The following MACF1 variants were observed in gnomAD, a reference collection of about 807,000 sequenced individuals.
MACF1 encodes the protein microtubule-actin cross-linking factor 1.
In MACF1, 193 loss-of-function variants were observed where a neutral mutation model predicts 854.8. The observed-to-expected ratio is 0.23, with a 90% confidence interval of 0.20 to 0.25. The LOEUF is 0.25. Ranked by LOEUF, MACF1 falls within the 10% of genes least tolerant of loss-of-function variation. The pLI is 1.00. For missense variants in MACF1, 7,722 were observed against 8,929.1 expected, an observed-to-expected ratio of 0.86 and a Z score of 5.45; for synonymous variants, 3,185 against 3,226.7, an observed-to-expected ratio of 0.99 and a Z score of 0.44.
chr1:39,423,920 A>C (rs1190308489), intron 60 of MACF1, 108 bp from the exon 61 acceptor site: 3 of 938,292 alleles, frequency 3.2e-6, no homozygotes, highest in African/African-American at 3.4e-5. Context: ...TCTTTTACTC[A>C]ATGAAGCTTA....
intron 2 of MACF1, among the ~76,000 whole-genome samples, chr1:39,156,994 G>T (rs1437260660): frequency 1.3e-5 from 2 of 150,728 alleles, no homozygotes; most frequent in Non-Finnish European, 1.5e-5. Flanking sequence ...CTCTAAGTTG[G>T]GGTCTTGCTC....
intron 94 of MACF1, 132 bp from the exon 95 acceptor site, chr1:39,464,963 A>G (rs1644633804): frequency 2.4e-6 from 2 of 833,668 alleles, no homozygotes; most frequent in African/African-American, 1.7e-5. Context: ...CTTGGTAAGA[A>G]TATGTTCAGT....
chr1:39,340,397 C>T, intron 38 of MACF1, 105 bp from the exon 39 acceptor site: 1 of 760,164 alleles, frequency 1.3e-6, no homozygotes, highest in Middle Eastern at 3.4e-4. Context: ...TTTTCTAAGC[C>T]CTAAAGTGTG....
intron 2 of MACF1, among the ~76,000 whole-genome samples, chr1:39,148,466 A>G (rs1487969925): frequency 6.6e-6 from 1 of 152,158 alleles, no homozygotes; most frequent in Non-Finnish European, 1.5e-5. Flanking sequence ...GTGACCAAAA[A>G]TCCTACCATT....
intron 49 of MACF1, among the ~76,000 whole-genome samples, chr1:39,365,964 C>T (rs1020245759): frequency 6.6e-6 from 1 of 152,186 alleles, no homozygotes; most frequent in African/African-American, 2.4e-5. Context: ...GCATGAGCCA[C>T]CTCACCTGGC....
chr1:39,233,775 CTTTT>C (rs11286953), intron 2 of MACF1, among the ~76,000 whole-genome samples: 19 of 36,548 alleles, frequency 5.2e-4, no homozygotes, highest in Admixed American at 1.1e-3. Flanking sequence ...CTAGCCATAG[CTTTT>C]TTTTTTTTTT....
chr1:39,467,689 T>C (rs1644698538), intron 95 of MACF1: 1 of 152,244 alleles, frequency 6.6e-6, no homozygotes, highest in African/African-American at 2.4e-5. Context: ...AATTTTTAAT[T>C]GCTTCAACTC....
At chr1:39,264,799 C>G (rs1002007172) in intron 6 of MACF1, among the ~76,000 whole-genome samples, 1 of 151,370 alleles carries the variant, frequency 6.6e-6, no homozygotes, top group African/African-American at 2.4e-5. Flanking sequence ...TCAGCCTCCC[C>G]AGTAGCTGGG....
chr1:39,426,189 A>G (rs1415316707), intron 61 of MACF1, among the ~76,000 whole-genome samples: 1 of 152,214 alleles, frequency 6.6e-6, no homozygotes. Context: ...TATATTTTGA[A>G]GGCTGGCATA....
At chr1:39,248,329 G>T (rs1645004670) in intron 2 of MACF1, among the ~76,000 whole-genome samples, 1 of 151,584 alleles carries the variant, frequency 6.6e-6, no homozygotes, top group Admixed American at 6.6e-5. Flanking sequence ...TTCAGACAGG[G>T]TTAAAAAAGA....
chr1:39,191,812 C>CTT (rs1230081031), intron 2 of MACF1, among the ~76,000 whole-genome samples: 1 of 152,186 alleles, frequency 6.6e-6, no homozygotes, highest in Non-Finnish European at 1.5e-5. Context: ...CATTACAACT[C>CTT]TGAGTCCCTG....
chr1:39,334,764 G>A lies in MACF1; in HGVS notation c.8176G>A (p.Val2726Met). ...GGTCAGAATTATTGCATCTCATCAGGTGTTAAATGGAGGAATTGTTGACAT... is the reference window on the plus strand; with the variant it reads ...GGTCAGAATTATTGCATCTCATCAGATGTTAAATGGAGGAATTGTTGACAT... ...NMVRIIASHQ[V>M]LNGGIVDIFS... Residue 2726 changes from valine (V) to methionine (M), a missense_variant, in exon 37 of 101, where the codon GTG (valine) becomes ATG (methionine). Coordinates refer to ENST00000564288, the MANE Select transcript of MACF1 (RefSeq NM_001394062.1). 6.2e-7 allele frequency: 1 copy of A among 1,614,154 alleles called. No individual in the cohort carries two copies. Among genetic ancestry groups the A allele is most frequent in the Non-Finnish European group, 8.5e-7 (1 of 1,179,998 alleles).
At chr1:39,484,097 G>T (rs1645063677) in intron 99 of MACF1, among the ~76,000 whole-genome samples, 1 of 152,218 alleles carries the variant, frequency 6.6e-6, no homozygotes, top group Non-Finnish European at 1.5e-5. Flanking sequence ...AGCTTGCGGT[G>T]ATCCGAGATT....
At chr1:39,267,826 C>T (rs1050903008) in intron 6 of MACF1, among the ~76,000 whole-genome samples, 2 of 152,124 alleles carry the variant, frequency 1.3e-5, no homozygotes, top group South Asian at 2.1e-4. Flanking sequence ...TTTTTCCTGT[C>T]TGTGTCATTG....
Position 39,398,139 on chromosome 1 carries a change from C to CTT in MACF1, c.15816+9499_15816+9500dup, listed in dbSNP as rs750827427. Among the ~76,000 whole-genome samples, 865 of 134,298 alleles carry CTT rather than the reference C, an allele frequency of 6.4e-3. 4 individuals are homozygous for CTT. The highest frequency in any genetic ancestry group is 0.018 in the African/African-American group (625 of 35,480). The allele number at this position is 134,298 out of a possible 152,430, so 88.1% of individuals were successfully genotyped here. A position where few individuals can be genotyped will look rare whatever the true frequency, so the allele number is the denominator to read the frequency against. ...CAGAGACTCCCACTCCCCGCCACTC[C>CTT]TTTTTTTTTTTTTTTTTTTAAACAG... On this transcript the variant is annotated intron_variant, in intron 58 of 100. Transcript: ENST00000564288.
intron 6 of MACF1, among the ~76,000 whole-genome samples, chr1:39,261,380 GT>G (rs1645162105): frequency 3.9e-5 from 6 of 152,116 alleles, no homozygotes; most frequent in Admixed American, 3.3e-4. Flanking sequence ...ATTTTTATGA[GT>G]TGTACAATCA....
intron 95 of MACF1, among the ~76,000 whole-genome samples, chr1:39,465,385 T>C (rs774746898): frequency 6.6e-5 from 10 of 152,252 alleles, no homozygotes; most frequent in Non-Finnish European, 1.5e-4. Context: ...GAGCCTGGTT[T>C]TGTACTTCTG....
At chr1:39,423,040 A>C in intron 60 of MACF1, 140 bp downstream of exon 60, 1 of 723,280 alleles carries the variant, frequency 1.4e-6, no homozygotes, top group Non-Finnish European at 2.2e-6. Context: ...AGAAAGGTGG[A>C]AATTGATTTT....
In MACF1 at chr1:39,433,084, A is replaced by G. The variant is rs144042918; in HGVS notation, c.17494A>G (p.Met5832Val). The G allele has an allele frequency of 6.8e-5, 110 of 1,612,492 alleles. No homozygotes were observed. The highest frequency in any genetic ancestry group is 8.6e-5 in the Non-Finnish European group (101 of 1,179,232). The change falls in exon 68 of 101, where the codon ATG becomes GTG. Residue 5832 changes from methionine (M) to valine (V), a missense_variant. By Grantham distance (21) the Met-to-Val change is conservative (BLOSUM62 1). This residue lies in a region of MACF1 where 2,807 missense variants were observed against 3,235.8 expected (regional missense o/e 0.87). Coordinates refer to ENST00000564288, the MANE Select transcript of MACF1 (RefSeq NM_001394062.1). ...SIDIIRHKDS[M>V]DELFSHRSEI... is the part of the protein sequence containing the mutation. ...TGACATTATTCGACACAAAGATTCA[A>G]TGGATGAACTCTTCAGTCACCGTAG...
Sources: allele counts gnomAD v4.1 joint callset (sites outside exome capture counted in the v4.1 genomes callset), GRCh38; gene constraint gnomAD v4.1.1; regional missense constraint gnomAD v4.1.1; transcripts MANE v1.5; gene names NCBI Gene and HGNC (gene_info 2026-07-23, HGNC 2026-07-21).